Variants in SLC7A2 observed in about 807,000 individuals in gnomAD.
SLC7A2 encodes solute carrier family 7 member 2, also known as cationic amino acid transporter 2.
In SLC7A2, 48 loss-of-function variants were observed where a neutral mutation model predicts 58.9. The ratio of observed to expected loss-of-function variants is 0.82; its 90% CI spans 0.65 to 1.04. SLC7A2 has a LOEUF of 1.04. SLC7A2 is among the 50% of genes least tolerant of loss of function. SLC7A2 has a pLI of 0.00. For synonymous variants in SLC7A2, 363 were observed against 314.5 expected, an observed-to-expected ratio of 1.15 and a Z score of -1.63; for missense variants, 1,029 against 818.8, an observed-to-expected ratio of 1.26 and a Z score of -3.13.
rs148366272 is a variant in SLC7A2 at position 17,559,693 on chromosome 8, C to T, written c.1299-635C>T. Among the ~76,000 whole-genome samples the T allele has an allele frequency of 3.4e-3, 523 of 152,328 alleles. 6 individuals carry two copies. Among genetic ancestry groups the T allele is most frequent in the South Asian group, 0.025 (123 of 4,828 alleles). On this transcript the variant is annotated intron_variant, in intron 9 of 12. Transcript: ENST00000494857. ...ATTAGCTCCCACTGGGTCCCTTCCA[C>T]GGCACGTGGGGATTATGGGAACTAC...
At position 17,551,910 on chromosome 8, in the gene SLC7A2, G is replaced by A. The variant is rs907420673; in HGVS notation, c.979G>A (p.Val327Ile). The A allele has an allele frequency of 6.2e-7, 1 of 1,613,830 alleles. No homozygotes were observed. The highest frequency in any genetic ancestry group is 1.3e-5 in the African/African-American group (1 of 74,818). ...CCTCGATGAAAAAAGCCCCCTTCCT[G>A]TAGCGTTTGAATATGTGGGATGGGG... ...YLLDEKSPLP[V>I]AFEYVGWGPA... Residue 327 changes from valine (V) to isoleucine (I), a missense_variant, in exon 7 of 13, where the codon GTA (valine) becomes ATA (isoleucine). By Grantham distance (29) the Val-to-Ile change is conservative (BLOSUM62 3). Coordinates refer to ENST00000494857, the MANE Select transcript of SLC7A2 (RefSeq NM_001370338.1).
At chr8:17,516,165 T>G (rs555709716) in intron 2 of SLC7A2, among the ~76,000 whole-genome samples, 6 of 152,272 alleles carry the variant, frequency 3.9e-5, no homozygotes, top group South Asian at 4.1e-4. Context: ...ACACTTTGCT[T>G]GTCCACTTAC....
rs1320426659 is a variant in SLC7A2 at position 17,560,353 on chromosome 8, C to T, written c.1324C>T (p.Gln442Ter). ...GTACCAGCCTGGCTTATCTTACGAC[C>T]AGCCCAAATGTTCTCCTGAGAAAGA... Reference protein sequence around the residue: ...LRYQPGLSYDQPKCSPEKDGL... With the variant: ...LRYQPGLSYD Residue 442 changes from glutamine to a stop codon, truncating the protein, a stop_gained, in exon 10 of 13, where the codon CAG becomes TAG. Transcript: ENST00000494857. LOFTEE classifies it high-confidence loss of function. The T allele has an allele frequency of 1.9e-6, 3 of 1,613,830 alleles. No homozygotes were observed. Among genetic ancestry groups the T allele is most frequent in the African/African-American group, 1.3e-5 (1 of 74,882 alleles).
chr8:17,550,968 T>C (rs1802421638), intron 6 of SLC7A2, among the ~76,000 whole-genome samples: 1 of 152,216 alleles, frequency 6.6e-6, no homozygotes, highest in Admixed American at 6.5e-5. Context: ...TTCAGTCTCA[T>C]TAGTGTACAA....
At chr8:17,533,200 T>C (rs577142116) in intron 2 of SLC7A2, among the ~76,000 whole-genome samples, 228 of 152,330 alleles carry the variant, frequency 1.5e-3, no homozygotes, top group African/African-American at 5.2e-3. Context: ...TCTGAGCCAA[T>C]AGCAGCATTT....
intron 2 of SLC7A2, among the ~76,000 whole-genome samples, chr8:17,536,392 C>A (rs1448891757): frequency 1.3e-5 from 2 of 152,102 alleles, no homozygotes; most frequent in Non-Finnish European, 2.9e-5. Flanking sequence ...TGGGGAAAAC[C>A]TGTCTCTACC....
intron 2 of SLC7A2, among the ~76,000 whole-genome samples, chr8:17,523,241 C>T (rs1297686854): frequency 6.6e-6 from 1 of 152,060 alleles, no homozygotes; most frequent in East Asian, 1.9e-4. Flanking sequence ...CAAAATACCA[C>T]CATCATTCTT....
intron 4 of SLC7A2, among the ~76,000 whole-genome samples, chr8:17,546,493 T>G (rs1802180119): frequency 6.6e-6 from 1 of 152,220 alleles, no homozygotes; most frequent in Non-Finnish European, 1.5e-5. Context: ...TTCATTGGTG[T>G]CTAATCTTCC....
chr8:17,528,244 A>G (rs1007573433), intron 2 of SLC7A2, among the ~76,000 whole-genome samples: 7 of 152,340 alleles, frequency 4.6e-5, no homozygotes, highest in Admixed American at 3.9e-4. Flanking sequence ...AAAAGAATTA[A>G]TAGAAGTAGA....
chr8:17,494,325 C>A (rs1486270324), upstream of SLC7A2, among the ~76,000 whole-genome samples: 2 of 152,132 alleles, frequency 1.3e-5, no homozygotes, highest in African/African-American at 4.8e-5. Context: ...TTCATAAACC[C>A]TTAAGAGTTC....
chr8:17,503,130 A>G (rs1041261463), intron 2 of SLC7A2, among the ~76,000 whole-genome samples: 4 of 151,908 alleles, frequency 2.6e-5, no homozygotes, highest in African/African-American at 9.7e-5. Context: ...GGCTCGCTGC[A>G]AGCTCCGCCT....
At chr8:17,550,245 C>T (rs572012739) in intron 5 of SLC7A2, 56 bp from the exon 6 acceptor site, 335 of 1,568,624 alleles carry the variant, frequency 2.1e-4, no homozygotes, top group Non-Finnish European at 2.8e-4. Flanking sequence ...GAAAAGTCAC[C>T]AGAAGGAGAG....
chr8:17,534,315 A>G (rs1335245330), intron 2 of SLC7A2, among the ~76,000 whole-genome samples: 1 of 152,128 alleles, frequency 6.6e-6, no homozygotes, highest in Non-Finnish European at 1.5e-5. Context: ...TGATTTTTAA[A>G]CAACAGTTGT....
In SLC7A2 at chr8:17,568,251, A is replaced by C. The variant is rs573773326; in HGVS notation, c.*3105A>C. The C allele has an allele frequency of 6.6e-6, 1 of 152,286 alleles. No homozygotes were observed. Among genetic ancestry groups the C allele is most frequent in the African/African-American group, 2.4e-5 (1 of 41,570 alleles). 9.4% of individuals were successfully genotyped at this position (152,286 alleles called of 1,614,324 possible). On this transcript the variant is annotated 3_prime_UTR_variant, in exon 13 of 13. Coordinates refer to ENST00000494857, the MANE Select transcript of SLC7A2 (RefSeq NM_001370338.1). ...ACCTCAAATTTTATACTCTTAAAAA[A>C]AAACAATAATTTGTGAATTACCACC...
intron 2 of SLC7A2, among the ~76,000 whole-genome samples, chr8:17,534,549 T>C (rs1801583002): frequency 6.6e-6 from 1 of 152,124 alleles, no homozygotes; most frequent in Admixed American, 6.5e-5. Flanking sequence ...TCCATGAAAA[T>C]ATCATGCCAA....
chr8:17,563,715 G>T lies in SLC7A2; in HGVS notation c.1780+4G>T. ...TTCAGCATTTGGATGGCAATTGGTA[G>T]GTCTTTTAATGTCGGGTTCTCTTTC... On this transcript the variant is annotated splice_donor_region_variant and intron_variant, in intron 12 of 12. Coordinates refer to ENST00000494857, the MANE Select transcript of SLC7A2 (RefSeq NM_001370338.1). The T allele has an allele frequency of 6.6e-7, 1 of 1,526,536 alleles. No homozygotes were observed. The highest frequency in any genetic ancestry group is 1.1e-5 in the South Asian group (1 of 88,942). 94.6% of individuals were successfully genotyped at this position (1,526,536 alleles called of 1,614,324 possible). A position where few individuals can be genotyped will look rare whatever the true frequency, so the allele number is the denominator to read the frequency against.
rs1023021866 is a variant in SLC7A2, at chr8:17,570,449, T to C, written c.*5303T>C. 2 of 152,666 alleles carry C rather than the reference T, an allele frequency of 1.3e-5. No homozygotes were observed. Among genetic ancestry groups the C allele is most frequent in the African/African-American group, 4.8e-5 (2 of 41,468 alleles). The allele number at this position is 152,666 out of a possible 1,614,324, so 9.5% of individuals were successfully genotyped here. On this transcript the variant is annotated 3_prime_UTR_variant, in exon 13 of 13. Transcript: ENST00000494857. ...TTAAGTGATCATCAGTGTTCCTTTT[T>C]ACTTATAAAGTTGGATTCTTTTTTA...
At chr8:17,531,600 A>G (rs919430752) in intron 2 of SLC7A2, among the ~76,000 whole-genome samples, 4 of 152,074 alleles carry the variant, frequency 2.6e-5, no homozygotes, top group African/African-American at 9.7e-5. Flanking sequence ...TTTTATATTT[A>G]TGAGATGGTT....
chr8:17,531,588 G>C (rs1300321833), intron 2 of SLC7A2, among the ~76,000 whole-genome samples: 1 of 151,712 alleles, frequency 6.6e-6, no homozygotes, highest in East Asian at 1.9e-4. Context: ...TTCCAAAATA[G>C]TTTTTATATT....
Sources: allele counts gnomAD v4.1 joint callset (sites outside exome capture counted in the v4.1 genomes callset), GRCh38; gene constraint gnomAD v4.1.1; transcripts MANE v1.5; gene names NCBI Gene and HGNC (gene_info 2026-07-23, HGNC 2026-07-21).